Variants in CREB5 observed in about 807,000 individuals in gnomAD.
CREB5 encodes the protein cyclic AMP-responsive element-binding protein 5.
A neutral mutation model predicts 57.1 loss-of-function variants in CREB5; 19 were observed. The observed-to-expected ratio is 0.33, with a 90% CI of 0.23 to 0.49. The LOEUF is 0.49. Among genes scored for constraint, CREB5 ranks in the 20% least tolerant of loss-of-function variants. The pLI is 0.99. For missense variants in CREB5, 579 were observed against 671.6 expected, an observed-to-expected ratio of 0.86 and a Z score of 1.52; for synonymous variants, 238 against 238.3, an observed-to-expected ratio of 1.00 and a Z score of 0.01.
At chr7:28,726,542 C>A (rs1385852083) in intron 7 of CREB5, 1 of 152,036 alleles carries the variant, frequency 6.6e-6, no homozygotes, top group Non-Finnish European at 1.5e-5. Flanking sequence ...AAAAAACTTG[C>A]ACGATTTTAA....
At chr7:28,777,687 G>T (rs1212612017) in intron 7 of CREB5, among the ~76,000 whole-genome samples, 1 of 151,996 alleles carries the variant, frequency 6.6e-6, no homozygotes, top group South Asian at 2.1e-4. Context: ...CTCTTTTGGA[G>T]GCTCTTCTTT....
At chr7:28,689,784 C>A (rs184821373) in intron 5 of CREB5, among the ~76,000 whole-genome samples, 2 of 152,188 alleles carry the variant, frequency 1.3e-5, no homozygotes, top group African/African-American at 2.4e-5. Context: ...CTGCTCCTTG[C>A]GAGCAACTGA....
At position 28,617,523 on chromosome 7, in the gene CREB5, C is replaced by T. The variant is rs1396816221; in HGVS notation, c.464+46986C>T. Among the ~76,000 whole-genome samples the T allele has an allele frequency of 1.3e-5, 2 of 152,196 alleles. 1 individual carries two copies. The highest frequency in any genetic ancestry group is 4.1e-4 in the South Asian group (2 of 4,834). On this transcript the variant is annotated intron_variant, in intron 5 of 10. Transcript: ENST00000357727. ...GCAGAAAACAGAATTCCAGAATCCA[C>T]CATTTGAATCACACTGGTTTGTGAT... is the stretch of plus-strand genomic sequence containing the variant.
chr7:28,302,043 T>C (rs1477404412), intron 1 of CREB5, among the ~76,000 whole-genome samples: 1 of 152,182 alleles, frequency 6.6e-6, no homozygotes, highest in African/African-American at 2.4e-5. Context: ...TTCGTTAAAA[T>C]AGATAAACTC....
At chr7:28,592,307 G>T (rs1796548732) in intron 5 of CREB5, among the ~76,000 whole-genome samples, 1 of 152,214 alleles carries the variant, frequency 6.6e-6, no homozygotes, top group Non-Finnish European at 1.5e-5. Context: ...AAAGCTGATT[G>T]CAACTGTGGC....
At chr7:28,546,891 AGAGCTG>A (rs1794444551) in intron 4 of CREB5, among the ~76,000 whole-genome samples, 1 of 152,194 alleles carries the variant, frequency 6.6e-6, no homozygotes. Flanking sequence ...TGGTGTGGAT[AGAGCTG>A]GGGTTGGGAA....
intron 7 of CREB5, among the ~76,000 whole-genome samples, chr7:28,732,843 G>GTTTTT (rs60106222): frequency 0.26 from 36,166 of 140,952 alleles, 5,800 homozygotes; most frequent in Non-Finnish European, 0.37. Context: ...GTTTAGGGTT[G>GTTTTT]TTTTTTTTTT....
chr7:28,653,583 T>C (rs1799223807), intron 5 of CREB5, among the ~76,000 whole-genome samples: 1 of 152,158 alleles, frequency 6.6e-6, no homozygotes, highest in Middle Eastern at 3.2e-3. Context: ...ACCTGTCAGG[T>C]ATAATAATTT....
intron 1 of CREB5, among the ~76,000 whole-genome samples, chr7:28,417,545 T>C (rs1041041154): frequency 1.3e-5 from 2 of 152,174 alleles, no homozygotes; most frequent in African/African-American, 4.8e-5. Flanking sequence ...GTGGAACTTA[T>C]TAAAAAACAC....
chr7:28,420,285 G>A (rs1192076924), intron 1 of CREB5, among the ~76,000 whole-genome samples: 3 of 151,966 alleles, frequency 2.0e-5, no homozygotes, highest in Non-Finnish European at 4.4e-5. Flanking sequence ...CCTTTTTTAA[G>A]CACAAACGTG....
chr7:28,638,972 G>A (rs1414346445), intron 5 of CREB5, among the ~76,000 whole-genome samples: 1 of 152,116 alleles, frequency 6.6e-6, no homozygotes, highest in African/African-American at 2.4e-5. Flanking sequence ...AAAATTAACA[G>A]ATCTGCTTAT....
chr7:28,309,154 C>T (rs1161381803), intron 1 of CREB5, among the ~76,000 whole-genome samples: 1 of 152,122 alleles, frequency 6.6e-6, no homozygotes, highest in Non-Finnish European at 1.5e-5. Flanking sequence ...GCCAGTCCAC[C>T]CTGCAGATTT....
intron 1 of CREB5, among the ~76,000 whole-genome samples, chr7:28,328,905 G>A (rs1785661188): frequency 6.6e-6 from 1 of 152,188 alleles, no homozygotes; most frequent in Non-Finnish European, 1.5e-5. Flanking sequence ...ATGATGTGAT[G>A]GATAGTATTG....
rs146189310 is a variant in CREB5, at chr7:28,724,381, T to C, written c.702+49T>C. The C allele has an allele frequency of 6.2e-5, 94 of 1,522,578 alleles. No individual in the cohort carries two copies. In the East Asian group the frequency reaches 1.6e-3, roughly 25 times the overall value. The allele number at this position is 1,522,578 out of a possible 1,614,324, so 94.3% of individuals were successfully genotyped here. A position where few individuals can be genotyped will look rare whatever the true frequency, so the allele number is the denominator to read the frequency against. ...TTTCATTATTCTGTGACTTTTTCTTTTGAATTTTACTCTGACTCCAAAACC... is the reference window on the plus strand; with the variant it reads ...TTTCATTATTCTGTGACTTTTTCTTCTGAATTTTACTCTGACTCCAAAACC... On this transcript the variant is annotated intron_variant, in intron 7 of 10. Coordinates refer to ENST00000357727, the MANE Select transcript of CREB5 (RefSeq NM_182898.4).
intron 7 of CREB5, among the ~76,000 whole-genome samples, chr7:28,756,586 A>T (rs1247299615): frequency 6.6e-6 from 1 of 151,578 alleles, no homozygotes; most frequent in Non-Finnish European, 1.5e-5. Flanking sequence ...CATTGAGTCT[A>T]AGTAGCCCTT....
At chr7:28,485,489 T>G (rs1791509891) in intron 1 of CREB5, among the ~76,000 whole-genome samples, 1 of 152,006 alleles carries the variant, frequency 6.6e-6, no homozygotes, top group African/African-American at 2.4e-5. Flanking sequence ...AGAGTGAAGT[T>G]TCGGTAACAC....
rs1489940144 is a variant in CREB5 at position 28,822,270 on chromosome 7, C to CCAAA, written c.*2994_*2997dup. ...CTAGTTGTCAGTGCTTCTTGAAATTCCAAACAGAAAGATACATTGGTCAAA... is the reference window on the plus strand; with the variant it reads ...CTAGTTGTCAGTGCTTCTTGAAATTCCAAACAAACAGAAAGATACATTGGTCAAA... On this transcript the variant is annotated 3_prime_UTR_variant, in exon 11 of 11. Transcript: ENST00000357727. 6.6e-6 allele frequency: 1 copy of CCAAA among 152,200 alleles called. No homozygotes were observed. Among genetic ancestry groups the CCAAA allele is most frequent in the African/African-American group, 2.4e-5 (1 of 41,416 alleles). 9.4% of individuals were successfully genotyped at this position (152,200 alleles called of 1,614,324 possible). A position where few individuals can be genotyped will look rare whatever the true frequency, so the allele number is the denominator to read the frequency against.
chr7:28,323,981 C>A (rs967156756), intron 1 of CREB5, among the ~76,000 whole-genome samples: 1 of 152,074 alleles, frequency 6.6e-6, no homozygotes, highest in Non-Finnish European at 1.5e-5. Context: ...GTTCATGCTC[C>A]TATGAGAATC....
At chr7:28,807,051 TTCACTAGCAACTCTG>T (rs1479985327) in intron 8 of CREB5, among the ~76,000 whole-genome samples, 2 of 152,232 alleles carry the variant, frequency 1.3e-5, no homozygotes, top group Admixed American at 6.5e-5. Flanking sequence ...GGATGACGCC[TTCACTAGCAACTCTG>T]ATGAGTAAGA....
Sources: gnomAD v4.1 joint callset for allele counts (sites outside exome capture counted in the v4.1 genomes callset) on GRCh38, gnomAD v4.1.1 for gene constraint, MANE v1.5 for transcripts, NCBI Gene and HGNC (gene_info 2026-07-23, HGNC 2026-07-21) for gene names.